Variants in DPH6 observed in about 807,000 individuals in gnomAD.
The protein encoded by DPH6 is diphthine--ammonia ligase.
Under a neutral mutation model 38.2 loss-of-function variants are expected in DPH6, and 33 were observed. The observed-to-expected ratio is 0.86, with a 90% CI of 0.65 to 1.15. The LOEUF is 1.15. DPH6 is among the 50% of genes most tolerant of loss of function. The pLI is 0.00. For synonymous variants in DPH6, 108 were observed against 103.0 expected (o/e 1.05, Z -0.30); for missense variants, 325 against 320.0 (o/e 1.02, Z -0.12).
chr15:35,151,894 T>A, the DPH6 span, among the ~76,000 whole-genome samples: 1 of 152,246 alleles, frequency 6.6e-6, no homozygotes, highest in Non-Finnish European at 1.5e-5. Flanking sequence ...TGTTTTTGAA[T>A]GTGTGGTGCT....
At chr15:35,506,334 G>A (rs1164605186) in intron 3 of DPH6, among the ~76,000 whole-genome samples, 1 of 152,150 alleles carries the variant, frequency 6.6e-6, no homozygotes, top group Admixed American at 6.5e-5. Context: ...TAATAATGAT[G>A]GCTTGTATGA....
intron 6 of DPH6, among the ~76,000 whole-genome samples, chr15:35,393,332 T>G (rs1270133042): frequency 1.3e-5 from 2 of 152,098 alleles, no homozygotes; most frequent in East Asian, 3.9e-4. Flanking sequence ...ATCATAAGGT[T>G]CATGGTTGAG....
chr15:35,509,649 G>A (rs1420272567), intron 3 of DPH6, among the ~76,000 whole-genome samples: 2 of 152,138 alleles, frequency 1.3e-5, no homozygotes, highest in Non-Finnish European at 1.5e-5. Context: ...AGACAAATAA[G>A]ATTGGAAATA....
chr15:35,361,672 A>G (rs997240541), intron 3 of DPH6, among the ~76,000 whole-genome samples: 5 of 151,442 alleles, frequency 3.3e-5, no homozygotes, highest in Admixed American at 6.6e-5. Context: ...CCTGACTTCA[A>G]GTTTCCTGAT....
chr15:35,199,989 G>C, the DPH6 span, among the ~76,000 whole-genome samples: 853 of 152,058 alleles, frequency 5.6e-3, 6 homozygotes, highest in African/African-American at 0.019. Context: ...CCAAGGTAGA[G>C]GTACAGTATA....
intron 5 of DPH6, among the ~76,000 whole-genome samples, chr15:35,413,729 A>G (rs2053399803): frequency 6.6e-6 from 1 of 151,486 alleles, no homozygotes; most frequent in Admixed American, 6.6e-5. Flanking sequence ...TATAAATATG[A>G]CTCCAAAGAA....
intron 6 of DPH6, among the ~76,000 whole-genome samples, chr15:35,390,695 G>A (rs1337453923): frequency 6.6e-6 from 1 of 152,088 alleles, no homozygotes; most frequent in Non-Finnish European, 1.5e-5. Context: ...AGCTCCATCA[G>A]GTCCTTTAAG....
intron 3 of DPH6, among the ~76,000 whole-genome samples, chr15:35,508,265 C>T (rs998981141): frequency 1.3e-5 from 2 of 152,114 alleles, no homozygotes; most frequent in Non-Finnish European, 2.9e-5. Context: ...CTGCCTGAGA[C>T]ATTCCATTTA....
chr15:35,149,315 G>GCA, the DPH6 span, among the ~76,000 whole-genome samples: 1 of 152,148 alleles, frequency 6.6e-6, no homozygotes, highest in Non-Finnish European at 1.5e-5. Flanking sequence ...TCGGCTCACT[G>GCA]CAACCTCTGC....
chr15:35,476,149 C>T (rs1181197490), intron 3 of DPH6, among the ~76,000 whole-genome samples: 1 of 151,676 alleles, frequency 6.6e-6, no homozygotes, highest in African/African-American at 2.4e-5. Context: ...CCTAGCTGAT[C>T]GAGATCTCAT....
Position 35,546,107 on chromosome 15 carries a change from G to A in DPH6, c.23+12C>T, listed in dbSNP as rs2055349442. Reference sequence around the variant, plus strand: ...GCCTAGGAGGAAGGAGGCGGCTCCAGGACCGCATTACCTGATCAGAGCCGC... The same window carrying A: ...GCCTAGGAGGAAGGAGGCGGCTCCAAGACCGCATTACCTGATCAGAGCCGC... On this transcript the variant is annotated intron_variant, in intron 1 of 8. Transcript: ENST00000256538. The A allele has an allele frequency of 7.1e-7, 1 of 1,400,920 alleles. No individual in the cohort carries two copies. Among genetic ancestry groups the A allele is most frequent in the Non-Finnish European group, 9.4e-7 (1 of 1,063,066 alleles). 86.8% of individuals were successfully genotyped at this position (1,400,920 alleles called of 1,614,324 possible).
the DPH6 span, among the ~76,000 whole-genome samples, chr15:35,207,931 A>G: frequency 6.6e-6 from 1 of 152,208 alleles, no homozygotes; most frequent in African/African-American, 2.4e-5. Flanking sequence ...TAAGATGAGT[A>G]TAGTTGGCAT....
the DPH6 span, among the ~76,000 whole-genome samples, chr15:35,179,321 A>C: frequency 6.6e-6 from 1 of 152,082 alleles, no homozygotes; most frequent in Non-Finnish European, 1.5e-5. Context: ...TCAAGTTTAG[A>C]AATTTATTAG....
intron 3 of DPH6, among the ~76,000 whole-genome samples, chr15:35,244,936 G>A (rs915008334): frequency 6.6e-6 from 1 of 152,172 alleles, no homozygotes; most frequent in Non-Finnish European, 1.5e-5. Context: ...GCTCCTTCCA[G>A]CTACAATGTT....
chr15:35,413,052 T>C (rs557304270), intron 5 of DPH6, among the ~76,000 whole-genome samples: 31 of 151,384 alleles, frequency 2.0e-4, no homozygotes, highest in African/African-American at 5.3e-4. Context: ...GCAGGGGAGG[T>C]TGATAATGGG....
chr15:35,541,140 A>T (rs1415363366), intron 2 of DPH6, among the ~76,000 whole-genome samples: 2 of 152,064 alleles, frequency 1.3e-5, no homozygotes, highest in African/African-American at 2.4e-5. Context: ...ACAAAATCCA[A>T]ACATGTGCAT....
At chr15:35,323,597 C>T (rs2052258474) in intron 3 of DPH6, among the ~76,000 whole-genome samples, 1 of 152,074 alleles carries the variant, frequency 6.6e-6, no homozygotes, top group South Asian at 2.1e-4. Flanking sequence ...TAATAAAAGC[C>T]TATTGTTCAC....
Position 35,340,016 on chromosome 15 carries a change from T to C in DPH6, n.208-8939A>G, listed in dbSNP as rs193235323. Among the ~76,000 whole-genome samples, 264 of 152,184 alleles carry C rather than the reference T, an allele frequency of 1.7e-3. 1 individual carries two copies. Among genetic ancestry groups the C allele is most frequent in the East Asian group, 5.0e-3 (26 of 5,174 alleles). On this transcript the variant is annotated intron_variant and non_coding_transcript_variant, in intron 3 of 3. Coordinates refer to the DPH6 transcript ENST00000558973. ...CCCACTATTATTGTGTGGGAGTCTG[T>C]CCCTCTGAGGTCTCTAATAAATTGC... is the stretch of plus-strand genomic sequence containing the variant.
rs1382116542 is a variant in DPH6, at chr15:35,407,860, C to A, written c.567+2975G>T. Reference sequence around the variant, plus strand: ...GGATAGGATGCTGATCGTACAGGGTCTCACAAGTTGTGACCTCATAGCTGT... The same window carrying A: ...GGATAGGATGCTGATCGTACAGGGTATCACAAGTTGTGACCTCATAGCTGT... On this transcript the variant is annotated intron_variant, in intron 6 of 8. Coordinates refer to ENST00000256538, the MANE Select transcript of DPH6 (RefSeq NM_080650.4). Among the ~76,000 whole-genome samples the A allele has an allele frequency of 3.3e-5, 5 of 152,088 alleles. No homozygotes were observed. In the East Asian group the frequency reaches 9.7e-4, roughly 30 times the overall value.
Sources: gnomAD v4.1 joint callset for allele counts (sites outside exome capture counted in the v4.1 genomes callset) on GRCh38, gnomAD v4.1.1 for gene constraint, MANE v1.5 for transcripts, NCBI Gene and HGNC (gene_info 2026-07-23, HGNC 2026-07-21) for gene names.